The following SFI1 variants were observed in gnomAD, a reference collection of about 807,000 sequenced individuals.
SFI1 encodes SFI1 centrin binding protein, also known as protein SFI1 homolog.
SFI1 carries 195 observed loss-of-function variants against 207.5 expected under a neutral mutation model. The ratio of observed to expected loss-of-function variants is 0.94; its 90% CI spans 0.84 to 1.06. The LOEUF (loss-of-function observed/expected upper bound fraction) is 1.06. SFI1 is among the 50% of genes least tolerant of loss of function. SFI1 has a pLI of 0.00. For synonymous variants in SFI1, 630 were observed against 598.9 expected (o/e 1.05, Z -0.76); for missense variants, 1,634 against 1,588.0 (o/e 1.03, Z -0.49).
intron 24 of SFI1, chr22:31,612,132 A>C: frequency 9.9e-7 from 1 of 1,007,324 alleles, no homozygotes; most frequent in African/African-American, 1.7e-5. Flanking sequence ...TAATCCCAGC[A>C]CTTTGGGAGG....
rs2147062459 is a variant in SFI1, at chr22:31,604,306, C to A, written c.1882-3C>A. On this transcript the variant is annotated splice_region_variant and splice_polypyrimidine_tract_variant and intron_variant, in intron 18 of 32. Transcript: ENST00000400288. ...CGGTAGCTGCTTTCTCCTCTGTCTG[C>A]AGTGCCTGGCCCTGCGGGGAGCGGA... The A allele has an allele frequency of 6.4e-7, 1 of 1,569,342 alleles. No individual in the cohort carries two copies. Among genetic ancestry groups the A allele is most frequent in the East Asian group, 2.3e-5 (1 of 42,902 alleles).
chr22:31,520,397 T>C (rs1197383403), intron 2 of SFI1, among the ~76,000 whole-genome samples: 11 of 152,190 alleles, frequency 7.2e-5, no homozygotes, highest in African/African-American at 2.7e-4. Context: ...TTTCATTGTT[T>C]TCATTATAGT....
intron 4 of SFI1, among the ~76,000 whole-genome samples, chr22:31,539,700 A>G (rs143918216): frequency 0.016 from 2,399 of 151,002 alleles, 16 homozygotes; most frequent in Middle Eastern, 0.031. Context: ...TAAGAGCAGG[A>G]CCCTAAAAAG....
intron 4 of SFI1, among the ~76,000 whole-genome samples, chr22:31,531,472 G>T (rs1477005441): frequency 2.6e-5 from 4 of 152,164 alleles, no homozygotes; most frequent in Admixed American, 6.5e-5. Context: ...CCAAATGAAA[G>T]AATCAGGCAG....
At chr22:31,605,010 C>G (rs541471352) in intron 20 of SFI1, 65 bp downstream of exon 20, 2 of 1,405,324 alleles carry the variant, frequency 1.4e-6, no homozygotes, top group South Asian at 2.8e-5. Context: ...AAACCCCAGC[C>G]TTTTAGGGGG....
chr22:31,559,551 G>A (rs780324915), intron 7 of SFI1: 1 of 596,582 alleles, frequency 1.7e-6, no homozygotes, highest in Non-Finnish European at 3.1e-6. Flanking sequence ...TCAACGGGCA[G>A]CAGAAAATAG....
intron 5 of SFI1, 22 bp from the exon 6 acceptor site, chr22:31,550,232 T>A (rs2060502653): frequency 1.9e-6 from 3 of 1,603,230 alleles, no homozygotes; most frequent in African/African-American, 2.7e-5. Flanking sequence ...AGAAATGCCA[T>A]TTACTTTTTT....
intron 4 of SFI1, among the ~76,000 whole-genome samples, chr22:31,542,117 A>G (rs868509034): frequency 6.7e-6 from 1 of 150,244 alleles, no homozygotes; most frequent in African/African-American, 2.4e-5. Context: ...AAAAAAAAAA[A>G]AAAGAAATGT....
chr22:31,592,811 A>ACC (rs1318991425), intron 15 of SFI1, among the ~76,000 whole-genome samples: 1 of 106,462 alleles, frequency 9.4e-6, no homozygotes, highest in African/African-American at 4.0e-5. Flanking sequence ...GGGAGGGCTG[A>ACC]CCCCCCCACC....
At position 31,617,127 on chromosome 22, in the gene SFI1, G is replaced by A. The variant is rs371032541; in HGVS notation, c.3512+49G>A. 1.9e-6 allele frequency: 3 copies of A among 1,599,020 alleles called. No individual in the cohort carries two copies. The African/African-American group carries it at 4.0e-5, about 21-fold the overall frequency. On this transcript the variant is annotated intron_variant, in intron 31 of 32. Transcript: ENST00000400288. Reference sequence around the variant, plus strand: ...AGCCCTGGCTACAGGAGCAGGTGTTGCCTGGAGAGGTGGGCAGGCAGTTCC... The same window carrying A: ...AGCCCTGGCTACAGGAGCAGGTGTTACCTGGAGAGGTGGGCAGGCAGTTCC...
intron 2 of SFI1, among the ~76,000 whole-genome samples, chr22:31,523,692 T>G (rs1049429979): frequency 2.6e-5 from 4 of 151,962 alleles, no homozygotes; most frequent in Non-Finnish European, 4.4e-5. Flanking sequence ...AAGTCCATTA[T>G]CTCCTTTGAT....
At chr22:31,616,266 TGGTTTGAATGTG>T (rs1319460458) in intron 29 of SFI1, 1 of 153,640 alleles carries the variant, frequency 6.5e-6, no homozygotes, top group African/African-American at 2.4e-5. Flanking sequence ...CTGGCTGGAA[TGGTTTGAATGTG>T]GGTTTGAAAG....
At position 31,593,484 on chromosome 22, in the gene SFI1, C is replaced by G. The variant is rs1386135656; in HGVS notation, c.1544+3907C>G. Among the ~76,000 whole-genome samples, 8 of 136,084 alleles carry G rather than the reference C, an allele frequency of 5.9e-5. No homozygotes were observed. The South Asian group carries it at 2.2e-3, about 37-fold the overall frequency. The allele number at this position is 136,084 out of a possible 152,430, so 89.3% of individuals were successfully genotyped here. A position where few individuals can be genotyped will look rare whatever the true frequency, so the allele number is the denominator to read the frequency against. Reference sequence around the variant, plus strand: ...CTCACTTCCTAGATGGGATGGCGGCCGGGTGGAGACGCTCCTCACTTTCCA... The same window carrying G: ...CTCACTTCCTAGATGGGATGGCGGCGGGGTGGAGACGCTCCTCACTTTCCA... On this transcript the variant is annotated intron_variant, in intron 15 of 32. Coordinates refer to ENST00000400288, the MANE Select transcript of SFI1 (RefSeq NM_001007467.3).
Position 31,576,742 on chromosome 22 carries a change from C to T in SFI1, c.1084+1350C>T, listed in dbSNP as rs144440001. The stretch of plus-strand genomic sequence containing the variant: ...ACAACCTCTGCCTTCCGGGTTCAAG[C>T]GATTCTCCGGCCTCAGCCCCACGAG... On this transcript the variant is annotated intron_variant, in intron 10 of 32. Transcript: ENST00000400288. Among the ~76,000 whole-genome samples the T allele has an allele frequency of 1.5e-3, 233 of 150,382 alleles. 1 individual carries two copies. Among genetic ancestry groups the T allele is most frequent in the Non-Finnish European group, 2.4e-3 (162 of 67,582 alleles).
At chr22:31,505,136 C>T (rs1270276392) in intron 1 of SFI1, among the ~76,000 whole-genome samples, 2 of 152,180 alleles carry the variant, frequency 1.3e-5, no homozygotes, top group Non-Finnish European at 2.9e-5. Flanking sequence ...CAAATTATCA[C>T]CAATTGAAAA....
At chr22:31,592,812 C>T (rs2066250697) in intron 15 of SFI1, among the ~76,000 whole-genome samples, 1 of 133,306 alleles carries the variant, frequency 7.5e-6, no homozygotes, top group Admixed American at 7.0e-5. Context: ...GGAGGGCTGA[C>T]CCCCCCACCT....
intron 27 of SFI1, 192 bp from the exon 28 acceptor site, chr22:31,614,597 C>T (rs1215358427): frequency 4.2e-6 from 3 of 711,016 alleles, no homozygotes; most frequent in Non-Finnish European, 5.1e-6. Context: ...AAGCAGTCCC[C>T]TGGCGTCAGG....
At chr22:31,530,447 G>A (rs2058388321) in intron 3 of SFI1, 1 of 258,350 alleles carries the variant, frequency 3.9e-6, no homozygotes, top group Non-Finnish European at 7.5e-6. Context: ...CAGACATTGG[G>A]CCACTGTACT....
chr22:31,508,227 T>C lies in SFI1; in HGVS notation c.-30-28T>C, dbSNP rs762541676. On this transcript the variant is annotated intron_variant, in intron 1 of 32. Coordinates refer to ENST00000400288, the MANE Select transcript of SFI1 (RefSeq NM_001007467.3). ...TCCTGAGAGGCTGCAAATCATTTTC[T>C]CTCTTTTTTATTCTCTTTTTCTTGT... 3.8e-6 allele frequency: 5 copies of C among 1,331,644 alleles called. No individual in the cohort carries two copies. The East Asian group carries it at 1.2e-4, about 31-fold the overall frequency. 82.5% of individuals were successfully genotyped at this position (1,331,644 alleles called of 1,614,324 possible).
Sources: gnomAD v4.1 joint callset for allele counts (sites outside exome capture counted in the v4.1 genomes callset) on GRCh38, gnomAD v4.1.1 for gene constraint, MANE v1.5 for transcripts, NCBI Gene and HGNC (gene_info 2026-07-23, HGNC 2026-07-21) for gene names.